C1QTNF1: variants seen among roughly 807,000 people sequenced by gnomAD.
The protein encoded by C1QTNF1 is complement C1q tumor necrosis factor-related protein 1.
Under a neutral mutation model 27.8 loss-of-function variants are expected in C1QTNF1, and 22 were observed. That is an observed-to-expected ratio of 0.79 (90% confidence interval 0.56 to 1.13). The LOEUF (loss-of-function observed/expected upper bound fraction) is 1.13, where lower values mean the gene tolerates loss of function less well. C1QTNF1 is among the 50% of genes most tolerant of loss of function. The pLI, the probability that C1QTNF1 is intolerant of heterozygous loss-of-function variation, is 0.00. For missense variants in C1QTNF1, 373 were observed against 380.2 expected (o/e 0.98, Z 0.16); for synonymous variants, 166 against 154.3 (o/e 1.08, Z -0.56).
In C1QTNF1 at chr17:79,046,981, C is replaced by T. The variant is rs915200592; in HGVS notation, c.295+287C>T. 43 of 428,680 alleles carry T rather than the reference C, an allele frequency of 1.0e-4. No homozygotes were observed. Among genetic ancestry groups the T allele is most frequent in the Non-Finnish European group, 1.3e-4 (32 of 239,408 alleles). 26.6% of individuals were successfully genotyped at this position (428,680 alleles called of 1,614,324 possible). A position where few individuals can be genotyped will look rare whatever the true frequency, so the allele number is the denominator to read the frequency against. On this transcript the variant is annotated intron_variant, in intron 3 of 3. Coordinates refer to ENST00000579760, the MANE Select transcript of C1QTNF1 (RefSeq NM_030968.5). This position sits in a 1 kb window ranked among gnomAD's most constrained non-coding sequence, Gnocchi z 4.8. ...TCTCGTCCCTCCAGTTGTATGTGGA[C>T]GCCAGGCTTCTAGGCCCTTTGCTTT...
Position 79,048,141 on chromosome 17 carries a change from A to ACCCCAGGGCTCAGCACCAGGCTGC in C1QTNF1, c.*58_*59insGGGCTCAGCACCAGGCTGCCCCCA. On this transcript the variant is annotated 3_prime_UTR_variant, in exon 4 of 4. Transcript: ENST00000579760. ...CACCTTCCACCCCTGCGCTGTGCTG[A>ACCCCAGGGCTCAGCACCAGGCTGC]CCCCACCGCCTCTTCCCCGATCCCT... is the stretch of plus-strand genomic sequence containing the variant. The ACCCCAGGGCTCAGCACCAGGCTGC allele has an allele frequency of 7.0e-7, 1 of 1,431,868 alleles. No homozygotes were observed. The allele number at this position is 1,431,868 out of a possible 1,614,324, so 88.7% of individuals were successfully genotyped here.
chr17:79,039,669 A>G (rs922475843), intron 1 of C1QTNF1, among the ~76,000 whole-genome samples: 4 of 151,958 alleles, frequency 2.6e-5, no homozygotes, highest in African/African-American at 9.7e-5. Context: ...AAATAAAACA[A>G]AAAAACCCAG....
In C1QTNF1 at chr17:79,048,300, C is replaced by A. The variant is rs1042279690; in HGVS notation, c.*212C>A. 3.5e-6 allele frequency: 2 copies of A among 570,792 alleles called. No individual in the cohort carries two copies. Among genetic ancestry groups the A allele is most frequent in the African/African-American group, 1.9e-5 (1 of 53,666 alleles). 35.4% of individuals were successfully genotyped at this position (570,792 alleles called of 1,614,324 possible). A position where few individuals can be genotyped will look rare whatever the true frequency, so the allele number is the denominator to read the frequency against. ...GATGAAATCACCAGGGCGGGGCACC[C>A]GCGAGAACCCTCTGGGACCTTCCGC... On this transcript the variant is annotated 3_prime_UTR_variant, in exon 4 of 4. Coordinates refer to ENST00000579760, the MANE Select transcript of C1QTNF1 (RefSeq NM_030968.5).
chr17:79,033,023 G>A (rs1237697169), intron 1 of C1QTNF1, among the ~76,000 whole-genome samples: 1 of 145,856 alleles, frequency 6.9e-6, no homozygotes, highest in Non-Finnish European at 1.5e-5. Context: ...AGCCAAGATT[G>A]TACCATTGTA....
chr17:79,048,159 C>A lies in C1QTNF1; in HGVS notation c.*71C>A. 3.2e-6 allele frequency: 3 copies of A among 936,338 alleles called. No individual in the cohort carries two copies. Among genetic ancestry groups the A allele is most frequent in the South Asian group, 5.3e-5 (2 of 37,736 alleles). The allele number at this position is 936,338 out of a possible 1,614,324, so 58.0% of individuals were successfully genotyped here. A position where few individuals can be genotyped will look rare whatever the true frequency, so the allele number is the denominator to read the frequency against. On this transcript the variant is annotated 3_prime_UTR_variant, in exon 4 of 4. Coordinates refer to ENST00000579760, the MANE Select transcript of C1QTNF1 (RefSeq NM_030968.5). Reference sequence around the variant, plus strand: ...TGTGCTGACCCCACCGCCTCTTCCCCGATCCCTGGACTCCGACTCCCTGGC... The same window carrying A: ...TGTGCTGACCCCACCGCCTCTTCCCAGATCCCTGGACTCCGACTCCCTGGC...
At chr17:79,042,543 G>T (rs544134796) in intron 1 of C1QTNF1, among the ~76,000 whole-genome samples, 1 of 152,344 alleles carries the variant, frequency 6.6e-6, no homozygotes, top group Non-Finnish European at 1.5e-5. Flanking sequence ...CTGATGCGCC[G>T]CCTGGTGGCC....
chr17:79,045,070 T>C (rs1302558523), intron 2 of C1QTNF1, among the ~76,000 whole-genome samples: 1 of 151,932 alleles, frequency 6.6e-6, no homozygotes, highest in East Asian at 1.9e-4. Flanking sequence ...GTGGGCTTTG[T>C]AGTAGGGGTG....
intron 1 of C1QTNF1, among the ~76,000 whole-genome samples, chr17:79,029,980 C>T (rs1004949737): frequency 9.2e-5 from 14 of 152,098 alleles, no homozygotes; most frequent in African/African-American, 3.1e-4. Context: ...AGCAAAAGAG[C>T]GTGAGACTTC....
chr17:79,036,582 A>G (rs1568064693), intron 1 of C1QTNF1, among the ~76,000 whole-genome samples: 3 of 152,252 alleles, frequency 2.0e-5, no homozygotes, highest in Non-Finnish European at 2.9e-5. Context: ...ATAGCCACAC[A>G]TAACAGCCAC....
intron 1 of C1QTNF1, chr17:79,043,733 G>A (rs1450870017): frequency 3.1e-6 from 2 of 649,302 alleles, no homozygotes; most frequent in Middle Eastern, 2.4e-4. Flanking sequence ...GTGTGCATGT[G>A]CGTGTGTGCA....
At chr17:79,040,307 C>CA (rs909433425) in intron 1 of C1QTNF1, among the ~76,000 whole-genome samples, 34 of 152,106 alleles carry the variant, frequency 2.2e-4, no homozygotes, top group Non-Finnish European at 4.4e-4. Context: ...GAAAAAACAA[C>CA]AAAAAAATTT....
chr17:79,046,804 C>A lies in C1QTNF1; in HGVS notation c.295+110C>A. ...CTAGGCGAGAGCAGAATGGCTCCCT[C>A]GGGACAGGGAGCAGAGGCAGGCAGG... is the stretch of plus-strand genomic sequence containing the variant. On this transcript the variant is annotated intron_variant, in intron 3 of 3. Transcript: ENST00000579760. This position sits in a 1 kb window ranked among gnomAD's most constrained non-coding sequence, Gnocchi z 4.8. 1 of 1,391,000 alleles carries A rather than the reference C, an allele frequency of 7.2e-7. No individual in the cohort carries two copies. The highest frequency in any genetic ancestry group is 9.9e-7 in the Non-Finnish European group (1 of 1,014,796). 86.2% of individuals were successfully genotyped at this position (1,391,000 alleles called of 1,614,324 possible).
chr17:79,027,083 G>GA (rs908485218), intron 1 of C1QTNF1, among the ~76,000 whole-genome samples: 4 of 88,950 alleles, frequency 4.5e-5, no homozygotes, highest in Admixed American at 9.7e-5. Flanking sequence ...TTCCTGGGCG[G>GA]GGGGGGGCTG....
At chr17:79,045,378 A>G (rs1215514634) in intron 2 of C1QTNF1, among the ~76,000 whole-genome samples, 1 of 152,132 alleles carries the variant, frequency 6.6e-6, no homozygotes, top group African/African-American at 2.4e-5. Flanking sequence ...ACTCAATCCT[A>G]CAAAGAACAA....
intron 1 of C1QTNF1, among the ~76,000 whole-genome samples, chr17:79,042,416 G>A (rs1191292712): frequency 1.3e-5 from 2 of 152,226 alleles, no homozygotes; most frequent in East Asian, 3.9e-4. Flanking sequence ...AGGGGGTCCT[G>A]CCCCAAGCTT....
chr17:79,039,610 G>A (rs1418560056), intron 1 of C1QTNF1, among the ~76,000 whole-genome samples: 5 of 151,750 alleles, frequency 3.3e-5, no homozygotes, highest in Non-Finnish European at 5.9e-5. Context: ...CCAAGATCGC[G>A]CCACTTCACT....
chr17:79,026,244 C>A (rs771133879), intron 1 of C1QTNF1, among the ~76,000 whole-genome samples: 26 of 152,112 alleles, frequency 1.7e-4, no homozygotes, highest in Non-Finnish European at 3.5e-4. Flanking sequence ...CAACCTCCAC[C>A]TCCCAGGTTC....
At position 79,047,616 on chromosome 17, in the gene C1QTNF1, C is replaced by A. The variant is rs138383380; in HGVS notation, c.374C>A (p.Thr125Asn). 1.1e-5 allele frequency: 18 copies of A among 1,586,362 alleles called. No individual in the cohort carries two copies. The highest frequency in any genetic ancestry group is 1.5e-5 in the Non-Finnish European group (18 of 1,164,804). The stretch of plus-strand genomic sequence containing the variant: ...GGCTCAGCAGGGGCCAGGGGCCACA[C>A]TGGACCCAAAGGGCAGAAGGGCTCC... ...KTGSAGARGHTGPKGQKGSMG... is the reference protein window; with the variant it reads ...KTGSAGARGHNGPKGQKGSMG... Residue 125 changes from threonine (T) to asparagine (N), a missense_variant, in exon 4 of 4, where the codon ACT becomes AAT. Physicochemically the swap from Thr to Asn is moderately conservative, Grantham distance 65. Coordinates refer to ENST00000579760, the MANE Select transcript of C1QTNF1 (RefSeq NM_030968.5).
At chr17:79,025,906 T>C (rs2071941990) in intron 1 of C1QTNF1, 16 of 368,548 alleles carry the variant, frequency 4.3e-5, no homozygotes, top group South Asian at 1.3e-4. Flanking sequence ...ATCATCACCA[T>C]CATCATCATC....
Sources: allele counts gnomAD v4.1 joint callset (sites outside exome capture counted in the v4.1 genomes callset), GRCh38; gene constraint gnomAD v4.1.1; non-coding constraint Gnocchi (gnomAD v3.1); transcripts MANE v1.5; gene names NCBI Gene and HGNC (gene_info 2026-07-23, HGNC 2026-07-21).